Variants in SLC16A5 observed in about 807,000 individuals in gnomAD.
SLC16A5 encodes solute carrier family 16 member 5.
A neutral mutation model predicts 33.2 loss-of-function variants in SLC16A5; 29 were observed. The ratio of observed to expected loss-of-function variants is 0.87; its 90% CI spans 0.65 to 1.19. The LOEUF (loss-of-function observed/expected upper bound fraction) is 1.19. SLC16A5 is among the 50% of genes most tolerant of loss of function. SLC16A5 has a pLI of 0.00. For synonymous variants in SLC16A5, 248 were observed against 284.1 expected, an observed-to-expected ratio of 0.87 and a Z score of 1.28; for missense variants, 606 against 678.2, an observed-to-expected ratio of 0.89 and a Z score of 1.18.
chr17:75,104,759 CT>C (rs2073842873), intron 6 of SLC16A5: 1 of 985,220 alleles, frequency 1.0e-6, no homozygotes, highest in Non-Finnish European at 1.2e-6. Context: ...CAGAGGAACC[CT>C]TTTCTAACAA....
At chr17:75,109,986 C>T (rs2073894476), downstream of SLC16A5, 2 of 337,190 alleles carry the variant, frequency 5.9e-6, no homozygotes, top group Admixed American at 9.3e-5. The surrounding 1 kb of genome is among the most constrained non-coding windows in gnomAD (Gnocchi z 5.0). Context: ...AGCCCAGGAG[C>T]CGGGGACGGT....
At chr17:75,104,534 C>T (rs1303658903) in intron 6 of SLC16A5, 16 of 929,232 alleles carry the variant, frequency 1.7e-5, no homozygotes, top group South Asian at 6.0e-5. Flanking sequence ...ATTCTCCTGC[C>T]TCTGCCCCCC....
At chr17:75,102,620 G>C (rs2073814049) in intron 5 of SLC16A5, among the ~76,000 whole-genome samples, 1 of 152,224 alleles carries the variant, frequency 6.6e-6, no homozygotes, top group Non-Finnish European at 1.5e-5. Context: ...CCGGGGAGCA[G>C]TCAGACAACA....
chr17:75,097,599 A>C (rs1273771549), intron 3 of SLC16A5, among the ~76,000 whole-genome samples: 1 of 152,086 alleles, frequency 6.6e-6, no homozygotes, highest in African/African-American at 2.4e-5. Context: ...GGGATGGGGC[A>C]GGTAAAACAG....
rs961395243 is a variant in SLC16A5 at position 75,089,813 on chromosome 17, G to C, written c.-49+509G>C. ...AGGAAGGAGGTGCAGCCCAGCCTGG[G>C]GTGGGAGTCAGGTTAGCTCCCAGGA... is the stretch of plus-strand genomic sequence containing the variant. On this transcript the variant is annotated intron_variant, in intron 2 of 6. Coordinates refer to ENST00000329783, the MANE Select transcript of SLC16A5 (RefSeq NM_004695.4). 1.3e-5 allele frequency: 2 copies of C among 151,504 alleles called. 1 individual carries two copies. Among genetic ancestry groups the C allele is most frequent in the East Asian group, 3.9e-4 (2 of 5,152 alleles). The allele number at this position is 151,504 out of a possible 1,614,324, so 9.4% of individuals were successfully genotyped here. A position where few individuals can be genotyped will look rare whatever the true frequency, so the allele number is the denominator to read the frequency against.
intron 2 of SLC16A5, among the ~76,000 whole-genome samples, chr17:75,093,111 TGA>T (rs1307197903): frequency 1.3e-5 from 2 of 152,070 alleles, no homozygotes; most frequent in Non-Finnish European, 2.9e-5. Flanking sequence ...TTGCTGCTTC[TGA>T]GGCATTGCGA....
chr17:75,109,420 C>G, downstream of SLC16A5, among the ~76,000 whole-genome samples: 1 of 152,158 alleles, frequency 6.6e-6, no homozygotes, highest in South Asian at 2.1e-4. The surrounding 1 kb of genome is among the most constrained non-coding windows in gnomAD (Gnocchi z 5.0). Flanking sequence ...CTGACGCCCG[C>G]GCTCCAAAGG....
intron 2 of SLC16A5, 44 bp from the exon 3 acceptor site, chr17:75,093,545 G>C (rs183334061): frequency 1.9e-6 from 3 of 1,542,846 alleles, no homozygotes; most frequent in East Asian, 2.4e-5. Flanking sequence ...CAGGAGAGAC[G>C]GACAGCCTGC....
chr17:75,104,900 G>A, intron 6 of SLC16A5: 1 of 985,438 alleles, frequency 1.0e-6, no homozygotes, highest in Non-Finnish European at 1.2e-6. Flanking sequence ...GCTGTGTGTT[G>A]CTGCTCCTAC....
intron 1 of SLC16A5, among the ~76,000 whole-genome samples, chr17:75,088,286 G>T (rs1168494085): frequency 6.6e-6 from 1 of 152,150 alleles, no homozygotes; most frequent in Admixed American, 6.5e-5. Flanking sequence ...GGCGGACACA[G>T]CCCGGGATCC....
downstream of SLC16A5, among the ~76,000 whole-genome samples, chr17:75,109,335 G>T (rs1274873732): frequency 6.6e-6 from 1 of 152,196 alleles, no homozygotes; most frequent in Non-Finnish European, 1.5e-5. This position sits in a 1 kb window ranked among gnomAD's most constrained non-coding sequence, Gnocchi z 5.0. Flanking sequence ...CCACCTCGGG[G>T]CTGGGATGGA....
chr17:75,092,753 T>A (rs925922383), intron 2 of SLC16A5, among the ~76,000 whole-genome samples: 2 of 151,944 alleles, frequency 1.3e-5, no homozygotes, highest in Non-Finnish European at 2.9e-5. Context: ...TCTGTGCTTG[T>A]CTGTGTGAGT....
chr17:75,092,026 G>GTGTGTGTGTGTGTGT (rs1555644925), intron 2 of SLC16A5, among the ~76,000 whole-genome samples: 49 of 61,834 alleles, frequency 7.9e-4, no homozygotes, highest in African/African-American at 3.8e-3. Context: ...AGATGTGAGG[G>GTGTGTGTGTGTGTGT]GGGTGTGTGT....
chr17:75,098,812 G>C (rs982170824), intron 4 of SLC16A5, among the ~76,000 whole-genome samples: 1 of 152,154 alleles, frequency 6.6e-6, no homozygotes, highest in African/African-American at 2.4e-5. Flanking sequence ...CCTCTGAGTG[G>C]AGAGGATGCA....
At chr17:75,091,058 A>T (rs2073631189) in intron 2 of SLC16A5, among the ~76,000 whole-genome samples, 1 of 152,100 alleles carries the variant, frequency 6.6e-6, no homozygotes, top group Non-Finnish European at 1.5e-5. Flanking sequence ...GCTGGGGTCC[A>T]GCCTCCAGGC....
chr17:75,109,159 G>GA (rs763948618), downstream of SLC16A5, among the ~76,000 whole-genome samples: 7 of 152,126 alleles, frequency 4.6e-5, no homozygotes, highest in Non-Finnish European at 8.8e-5. This position sits in a 1 kb window ranked among gnomAD's most constrained non-coding sequence, Gnocchi z 5.0. Context: ...CTCCGAGAAG[G>GA]AATCGGCCGA....
At chr17:75,092,103 T>C (rs917228596) in intron 2 of SLC16A5, among the ~76,000 whole-genome samples, 9 of 151,984 alleles carry the variant, frequency 5.9e-5, no homozygotes, top group Admixed American at 2.0e-4. Context: ...TATGTCTGTG[T>C]AGCATGTGTG....
At chr17:75,102,701 C>T (rs528551116) in intron 5 of SLC16A5, among the ~76,000 whole-genome samples, 18 of 151,656 alleles carry the variant, frequency 1.2e-4, no homozygotes, top group Admixed American at 9.2e-4. Context: ...CCAAGTGTGG[C>T]GTTGGAAGGC....
intron 4 of SLC16A5, among the ~76,000 whole-genome samples, chr17:75,099,473 G>A (rs2073761801): frequency 6.6e-6 from 1 of 152,154 alleles, no homozygotes; most frequent in South Asian, 2.1e-4. Context: ...CTGGAGTGCA[G>A]TGGCACAATC....
Sources: gnomAD v4.1 joint callset for allele counts (sites outside exome capture counted in the v4.1 genomes callset) on GRCh38, gnomAD v4.1.1 for gene constraint, Gnocchi (gnomAD v3.1) non-coding constraint, MANE v1.5 for transcripts, NCBI Gene and HGNC (gene_info 2026-07-23, HGNC 2026-07-21) for gene names.